The following PCDHGB3 variants were observed in gnomAD, a reference collection of about 807,000 sequenced individuals.
PCDHGB3 encodes the protein protocadherin gamma-B3.
In PCDHGB3, 40 loss-of-function variants were observed where a neutral mutation model predicts 59.2. The ratio of observed to expected loss-of-function variants is 0.68; its 90% CI spans 0.52 to 0.88. The LOEUF is 0.88. PCDHGB3 is among the 40% of genes least tolerant of loss of function. PCDHGB3 has a pLI of 0.00. For missense variants in PCDHGB3, 1,309 were observed against 1,187.9 expected (o/e 1.10, Z -1.50); for synonymous variants, 581 against 503.6 (o/e 1.15, Z -2.06).
In PCDHGB3 at chr5:141,432,973, G is replaced by T. The variant is rs150572360; in HGVS notation, c.2415+60164G>T. The T allele has an allele frequency of 3.7e-6, 6 of 1,614,096 alleles. 1 individual carries two copies. The highest frequency in any genetic ancestry group is 1.7e-5 in the Admixed American group (1 of 60,014). Reference sequence around the variant, plus strand: ...GCGGCTTGACAGGAGCGCCGGCGTCGCACTTTGTGGGCGTGGACGGGGTGC... The same window carrying T: ...GCGGCTTGACAGGAGCGCCGGCGTCTCACTTTGTGGGCGTGGACGGGGTGC... On this transcript the variant is annotated intron_variant, in intron 1 of 3. Coordinates refer to ENST00000576222, the MANE Select transcript of PCDHGB3 (RefSeq NM_018924.5). This position sits in a 1 kb window ranked among gnomAD's most constrained non-coding sequence, Gnocchi z 6.0.
intron 1 of PCDHGB3, chr5:141,408,721 C>T (rs994778084): frequency 6.2e-7 from 1 of 1,611,372 alleles, no homozygotes; most frequent in Non-Finnish European, 8.5e-7. Flanking sequence ...ATAAGATAAA[C>T]TCTAATCCTT....
chr5:141,471,408 T>C (rs951728688), intron 1 of PCDHGB3: 1 of 152,166 alleles, frequency 6.6e-6, no homozygotes, highest in Non-Finnish European at 1.5e-5. Flanking sequence ...CTAGGCTTAG[T>C]TATGTTTTTA....
chr5:141,478,521 G>A, intron 1 of PCDHGB3: 1 of 1,610,618 alleles, frequency 6.2e-7, no homozygotes, highest in Non-Finnish European at 8.5e-7. Context: ...CAGGTGTTGG[G>A]TGCAGAGAGC....
At chr5:141,375,888 C>G in intron 1 of PCDHGB3, 1 of 1,613,818 alleles carries the variant, frequency 6.2e-7, no homozygotes, top group Admixed American at 1.7e-5. Context: ...GGCCAGAACG[C>G]CTGGCTGTCC....
At chr5:141,387,594 C>T in intron 1 of PCDHGB3, 1 of 528,418 alleles carries the variant, frequency 1.9e-6, no homozygotes, top group East Asian at 3.1e-5. Context: ...TAACTTGAAG[C>T]AGCAGAGGCT....
chr5:141,451,576 C>G (rs997933491), intron 1 of PCDHGB3, among the ~76,000 whole-genome samples: 10 of 152,164 alleles, frequency 6.6e-5, no homozygotes, highest in Middle Eastern at 3.4e-3. Context: ...TTTTTATAAA[C>G]CTAATTTTGA....
rs758013542 is a variant in PCDHGB3 at position 141,418,314 on chromosome 5, C to A, written c.2415+45505C>A. 9 of 1,613,988 alleles carry A rather than the reference C, an allele frequency of 5.6e-6. No homozygotes were observed. In the East Asian group the frequency reaches 1.3e-4, roughly 24 times the overall value. On this transcript the variant is annotated intron_variant, in intron 1 of 3. Coordinates refer to ENST00000576222, the MANE Select transcript of PCDHGB3 (RefSeq NM_018924.5). ...GAATCCGTCAGCCTGGGGATGGGAACAATTCTTGAGTCTGCAGAAGATCCT... is the reference window on the plus strand; with the variant it reads ...GAATCCGTCAGCCTGGGGATGGGAAAAATTCTTGAGTCTGCAGAAGATCCT...
At chr5:141,410,440 G>C in intron 1 of PCDHGB3, 1 of 1,614,036 alleles carries the variant, frequency 6.2e-7, no homozygotes, top group Non-Finnish European at 8.5e-7. Context: ...ACAGTGAGGG[G>C]ACTTTGCCTT....
At chr5:141,403,811 A>C in intron 1 of PCDHGB3, 1 of 1,613,930 alleles carries the variant, frequency 6.2e-7, no homozygotes, top group Non-Finnish European at 8.5e-7. Flanking sequence ...AATTAATGAA[A>C]AACAATCTCT....
At position 141,505,378 on chromosome 5, in the gene PCDHGB3, C is replaced by T. The variant is rs376550639; in HGVS notation, c.2475-15C>T. 2 of 1,614,034 alleles carry T rather than the reference C, an allele frequency of 1.2e-6. No homozygotes were observed. The highest frequency in any genetic ancestry group is 2.2e-5 in the East Asian group (1 of 44,872). On this transcript the variant is annotated splice_polypyrimidine_tract_variant and intron_variant, in intron 2 of 3. Transcript: ENST00000576222. ...GGCCTGGGAGTCTGTGCTCACCATC[C>T]TACTCTCTCCCCAGCTCCCAAAATG...
chr5:141,418,738 T>G lies in PCDHGB3; in HGVS notation c.2415+45929T>G, dbSNP rs781221446. 4.3e-6 allele frequency: 7 copies of G among 1,613,964 alleles called. No homozygotes were observed. In the South Asian group the frequency reaches 6.6e-5, roughly 15 times the overall value. On this transcript the variant is annotated intron_variant, in intron 1 of 3. Transcript: ENST00000576222. ...CTGACAAAGCTCAGCACGTGTTCTC[T>G]CTGGATTACACTACAGGAAACATTC...
chr5:141,476,979 G>T lies in PCDHGB3; in HGVS notation c.2416-17828G>T. The T allele has an allele frequency of 1.2e-6, 2 of 1,614,238 alleles. No individual in the cohort carries two copies. The highest frequency in any genetic ancestry group is 1.7e-6 in the Non-Finnish European group (2 of 1,180,042). The stretch of plus-strand genomic sequence containing the variant: ...ATTTACTCCTTCGGCAGCCACAACC[G>T]CGCCGGCGTGCGGCAACTATTCGCC... On this transcript the variant is annotated intron_variant, in intron 1 of 3. Coordinates refer to ENST00000576222, the MANE Select transcript of PCDHGB3 (RefSeq NM_018924.5). This position sits in a 1 kb window ranked among gnomAD's most constrained non-coding sequence, Gnocchi z 7.6.
At chr5:141,389,562 G>C in intron 1 of PCDHGB3, 1 of 1,613,284 alleles carries the variant, frequency 6.2e-7, no homozygotes, top group Middle Eastern at 1.7e-4. Context: ...TGCGCCACGG[G>C]TGCTGTACCC....
rs767515334 is a variant in PCDHGB3, at chr5:141,403,753, C to A, written c.2415+30944C>A. ...CCTGGCTGCTTACTGCAACAGCCAG[C>A]GACCTGGATGAGGGAATCAACGGAA... is the stretch of plus-strand genomic sequence containing the variant. On this transcript the variant is annotated intron_variant, in intron 1 of 3. Transcript: ENST00000576222. The A allele has an allele frequency of 1.9e-6, 3 of 1,613,502 alleles. No individual in the cohort carries two copies. The Admixed American group carries it at 5.0e-5, about 27-fold the overall frequency.
chr5:141,441,102 C>A (rs1057297804), intron 1 of PCDHGB3: 2 of 152,148 alleles, frequency 1.3e-5, no homozygotes, highest in Non-Finnish European at 2.9e-5. Flanking sequence ...GAGAGGGACT[C>A]ATTGTCCAGT....
intron 1 of PCDHGB3, among the ~76,000 whole-genome samples, chr5:141,406,273 G>C (rs1366399912): frequency 6.6e-6 from 1 of 151,898 alleles, no homozygotes; most frequent in Non-Finnish European, 1.5e-5. Context: ...TCCTGCTTCA[G>C]TTTCCCAAAG....
chr5:141,498,119 T>C (rs780741291), intron 2 of PCDHGB3, among the ~76,000 whole-genome samples: 42 of 152,192 alleles, frequency 2.8e-4, no homozygotes, highest in Non-Finnish European at 4.8e-4. Flanking sequence ...AATAGGGATT[T>C]GATTTAGGGA....
At chr5:141,465,649 A>C (rs1174371552) in intron 1 of PCDHGB3, among the ~76,000 whole-genome samples, 1 of 152,200 alleles carries the variant, frequency 6.6e-6, no homozygotes, top group African/African-American at 2.4e-5. Context: ...TGAACATCCC[A>C]AAAAAGCGCT....
At chr5:141,420,369 T>C in intron 1 of PCDHGB3, 2 of 1,349,364 alleles carry the variant, frequency 1.5e-6, no homozygotes, top group Non-Finnish European at 2.0e-6. Flanking sequence ...AGATAACTTC[T>C]TCATAGAGTT....
Sources: allele counts gnomAD v4.1 joint callset (sites outside exome capture counted in the v4.1 genomes callset), GRCh38; gene constraint gnomAD v4.1.1; non-coding constraint Gnocchi (gnomAD v3.1); transcripts MANE v1.5; gene names NCBI Gene and HGNC (gene_info 2026-07-23, HGNC 2026-07-21).